ITSN1: variants seen among roughly 807,000 people sequenced by gnomAD.
The protein encoded by ITSN1 is intersectin 1.
In ITSN1, 58 loss-of-function variants were observed where a neutral mutation model predicts 239.8. The observed-to-expected ratio is 0.24, with a 90% CI of 0.20 to 0.30. The LOEUF (loss-of-function observed/expected upper bound fraction) is 0.30, where lower values mean the gene tolerates loss of function less well. Among genes scored for constraint, ITSN1 ranks in the 10% least tolerant of loss-of-function variants. The pLI, the probability that ITSN1 is intolerant of heterozygous loss-of-function variation, is 1.00. For synonymous variants in ITSN1, 780 were observed against 770.8 expected, an observed-to-expected ratio of 1.01 and a Z score of -0.20; for missense variants, 1,558 against 2,103.3, an observed-to-expected ratio of 0.74 and a Z score of 5.07.
intron 1 of ITSN1, among the ~76,000 whole-genome samples, chr21:33,705,450 C>T (rs919794073): frequency 8.5e-5 from 13 of 152,054 alleles, no homozygotes; most frequent in African/African-American, 3.1e-4. Context: ...TGCAGTGGCA[C>T]GATCTCAGCT....
At chr21:33,862,841 CTGTT>C (rs148016528) in intron 31 of ITSN1, among the ~76,000 whole-genome samples, 9,668 of 152,272 alleles carry the variant, frequency 0.063, 390 homozygotes, top group East Asian at 0.078. Context: ...ATGTAAAACT[CTGTT>C]TGACACATAG....
intron 16 of ITSN1, among the ~76,000 whole-genome samples, chr21:33,791,386 G>A (rs2300382): frequency 0.19 from 28,227 of 152,166 alleles, 3,373 homozygotes; most frequent in African/African-American, 0.32. Context: ...CCTTGGAGGT[G>A]CTTGAAACTG....
At chr21:33,750,346 G>A (rs970824567) in intron 6 of ITSN1, 24 bp downstream of exon 6, 1 of 1,605,340 alleles carries the variant, frequency 6.2e-7, no homozygotes, top group Non-Finnish European at 8.5e-7. Flanking sequence ...TGAAACCATA[G>A]GCTGAGTTTT....
intron 1 of ITSN1, among the ~76,000 whole-genome samples, chr21:33,697,218 C>T (rs780022185): frequency 6.8e-6 from 1 of 147,478 alleles, no homozygotes; most frequent in Non-Finnish European, 1.5e-5. Flanking sequence ...GAGGCATACA[C>T]GACCACACCT....
intron 31 of ITSN1, among the ~76,000 whole-genome samples, chr21:33,863,687 A>T (rs1055086382): frequency 2.6e-5 from 4 of 151,862 alleles, no homozygotes; most frequent in Admixed American, 6.6e-5. Context: ...TTCACTTGTT[A>T]AAAAAACTAC....
intron 1 of ITSN1, among the ~76,000 whole-genome samples, chr21:33,673,076 T>C (rs917233685): frequency 6.6e-6 from 1 of 152,182 alleles, no homozygotes; most frequent in African/African-American, 2.4e-5. Flanking sequence ...TCCAGTGGAA[T>C]AGCCATTAAA....
At chr21:33,810,097 A>G (rs2072792026) in intron 20 of ITSN1, among the ~76,000 whole-genome samples, 1 of 152,120 alleles carries the variant, frequency 6.6e-6, no homozygotes, top group Non-Finnish European at 1.5e-5. Flanking sequence ...CAGCCCAAAA[A>G]TAAATTTCCC....
At chr21:33,783,365 T>C (rs2070365999) in intron 16 of ITSN1, among the ~76,000 whole-genome samples, 4 of 152,226 alleles carry the variant, frequency 2.6e-5, no homozygotes, top group Admixed American at 2.6e-4. Context: ...TTGAGGTATG[T>C]GTGCTGTTCT....
chr21:33,645,357 T>C (rs760924001), intron 1 of ITSN1, among the ~76,000 whole-genome samples: 10 of 152,234 alleles, frequency 6.6e-5, no homozygotes, highest in African/African-American at 2.4e-4. Context: ...GTTAAAAATA[T>C]AGGTTTTGGG....
chr21:33,775,174 T>C, intron 14 of ITSN1, 66 bp downstream of exon 14: 1 of 1,512,320 alleles, frequency 6.6e-7, no homozygotes, highest in Non-Finnish European at 9.0e-7. Flanking sequence ...ATTCATTTCA[T>C]TTACTTACTT....
chr21:33,814,193 G>A, intron 22 of ITSN1, 121 bp downstream of exon 22: 1 of 1,084,846 alleles, frequency 9.2e-7, no homozygotes, highest in Non-Finnish European at 1.3e-6. Flanking sequence ...TTGGTTGGCT[G>A]GCAGTATGGG....
At chr21:33,646,615 A>G (rs956940496) in intron 1 of ITSN1, among the ~76,000 whole-genome samples, 5 of 152,172 alleles carry the variant, frequency 3.3e-5, no homozygotes, top group African/African-American at 1.2e-4. Flanking sequence ...CTAACCTCTC[A>G]ATGCCTCATT....
intron 1 of ITSN1, among the ~76,000 whole-genome samples, chr21:33,692,392 A>G (rs954837243): frequency 1.3e-5 from 2 of 152,074 alleles, no homozygotes; most frequent in African/African-American, 4.8e-5. Context: ...TGATGGCTCA[A>G]TTTGCTTTTG....
At chr21:33,838,641 C>A in intron 29 of ITSN1, 1 of 179,754 alleles carries the variant, frequency 5.6e-6, no homozygotes, top group Non-Finnish European at 1.1e-5. Context: ...ATCAGAGGCT[C>A]GCCGAGTCTT....
At chr21:33,851,749 G>GT (rs1208835777) in intron 29 of ITSN1, among the ~76,000 whole-genome samples, 7 of 93,214 alleles carry the variant, frequency 7.5e-5, no homozygotes, top group African/African-American at 1.2e-4. Flanking sequence ...TTTTTTTCTC[G>GT]TTTTTTTTCT....
rs145688017 is a variant in ITSN1, at chr21:33,777,899, A to G, written c.1596+2791A>G. On this transcript the variant is annotated intron_variant, in intron 14 of 39. Coordinates refer to ENST00000381318, the MANE Select transcript of ITSN1 (RefSeq NM_003024.3). ...CGATGAAGGAAAGCTCTCTCACCAT[A>G]GAGTATAGTGTTAACCAGGGTTCTT... 4.7e-3 allele frequency among the ~76,000 whole-genome samples: 711 copies of G among 152,302 alleles called. 4 individuals carry two copies. The highest frequency in any genetic ancestry group is 0.017 in the African/African-American group (693 of 41,564).
chr21:33,818,598 C>T (rs1602422733), intron 23 of ITSN1, 126 bp downstream of exon 23: 1 of 804,102 alleles, frequency 1.2e-6, no homozygotes, highest in Admixed American at 2.2e-5. Flanking sequence ...CTTTTAACTG[C>T]AAAAGTTATA....
chr21:33,716,930 C>A (rs556540782), intron 1 of ITSN1, among the ~76,000 whole-genome samples: 2 of 147,620 alleles, frequency 1.4e-5, no homozygotes, highest in Non-Finnish European at 3.0e-5. Context: ...AGCAAGACTC[C>A]GTCTCAAAAA....
chr21:33,697,935 A>T (rs2091867566), intron 1 of ITSN1, among the ~76,000 whole-genome samples: 1 of 152,202 alleles, frequency 6.6e-6, no homozygotes, highest in African/African-American at 2.4e-5. Flanking sequence ...GTTACTTTGC[A>T]GTTAGTTGGT....
Sources: gnomAD v4.1 joint callset for allele counts (sites outside exome capture counted in the v4.1 genomes callset) on GRCh38, gnomAD v4.1.1 for gene constraint, MANE v1.5 for transcripts, NCBI Gene and HGNC (gene_info 2026-07-23, HGNC 2026-07-21) for gene names.